The following XRN1 variants were observed in gnomAD, a reference collection of about 807,000 sequenced individuals.
XRN1 encodes the protein 5'-3' exoribonuclease 1.
A neutral mutation model predicts 222.3 loss-of-function variants in XRN1; 67 were observed. That is an observed-to-expected ratio of 0.30 (90% CI 0.25 to 0.37). The LOEUF (loss-of-function observed/expected upper bound fraction) is 0.37, where lower values mean the gene tolerates loss of function less well. Among genes scored for constraint, XRN1 ranks in the 10% least tolerant of loss-of-function variants. The pLI, the probability that XRN1 is intolerant of heterozygous loss-of-function variation, is 1.00. For missense variants in XRN1, 1,707 were observed against 2,000.2 expected (o/e 0.85, Z 2.80); for synonymous variants, 643 against 652.4 (o/e 0.99, Z 0.22).
At chr3:142,435,626 G>A (rs749614053) in intron 1 of XRN1, among the ~76,000 whole-genome samples, 8 of 151,396 alleles carry the variant, frequency 5.3e-5, no homozygotes, top group Non-Finnish European at 8.8e-5. Flanking sequence ...GGGTGGTGGC[G>A]CATGCCTGTA....
intron 20 of XRN1, among the ~76,000 whole-genome samples, chr3:142,395,206 A>C (rs747569129): frequency 2.0e-5 from 3 of 152,236 alleles, no homozygotes; most frequent in Non-Finnish European, 4.4e-5. Flanking sequence ...CTTGGAAGAC[A>C]GAAGAGCTAG....
intron 2 of XRN1, among the ~76,000 whole-genome samples, chr3:142,432,177 TG>T: frequency 7.7e-6 from 1 of 129,044 alleles, no homozygotes; most frequent in South Asian, 2.2e-4. Context: ...ATATATAAAA[TG>T]TTTTATATAT....
At chr3:142,378,426 T>C (rs1044726067) in intron 23 of XRN1, among the ~76,000 whole-genome samples, 1 of 152,196 alleles carries the variant, frequency 6.6e-6, no homozygotes. Flanking sequence ...CCTAGAATTA[T>C]CTTCAGAGAA....
intron 20 of XRN1, among the ~76,000 whole-genome samples, chr3:142,387,159 T>A (rs2067534891): frequency 6.6e-6 from 1 of 152,208 alleles, no homozygotes; most frequent in Non-Finnish European, 1.5e-5. Context: ...TATGATTACA[T>A]GTAACAATAT....
intron 20 of XRN1, among the ~76,000 whole-genome samples, chr3:142,395,350 A>G (rs1178143714): frequency 6.6e-6 from 1 of 152,236 alleles, no homozygotes; most frequent in Non-Finnish European, 1.5e-5. Context: ...AGCCTTGTCT[A>G]CCCAACTTGG....
At chr3:142,319,088 T>C (rs761107765) in intron 37 of XRN1, among the ~76,000 whole-genome samples, 185 bp from the exon 38 acceptor site, 5 of 152,304 alleles carry the variant, frequency 3.3e-5, no homozygotes, top group Middle Eastern at 3.4e-3. Flanking sequence ...GTTTACAAAA[T>C]AAAAAGCTTT....
intron 1 of XRN1, among the ~76,000 whole-genome samples, chr3:142,439,365 C>T (rs984229225): frequency 9.2e-5 from 14 of 152,094 alleles, no homozygotes; most frequent in African/African-American, 3.4e-4. Context: ...AGTGTAGACT[C>T]TCACTGGGAC....
chr3:142,446,401 A>G (rs1178696412), intron 1 of XRN1, among the ~76,000 whole-genome samples: 1 of 152,202 alleles, frequency 6.6e-6, no homozygotes, highest in Non-Finnish European at 1.5e-5. Flanking sequence ...TTCTCCTCCC[A>G]GTTTCTATAT....
At chr3:142,386,705 G>C (rs1432814077) in intron 20 of XRN1, among the ~76,000 whole-genome samples, 1 of 152,082 alleles carries the variant, frequency 6.6e-6, no homozygotes, top group Non-Finnish European at 1.5e-5. Flanking sequence ...TCACAAAAGA[G>C]TATGCATATT....
chr3:142,369,429 C>T (rs1234650558), intron 27 of XRN1, among the ~76,000 whole-genome samples: 1 of 151,542 alleles, frequency 6.6e-6, no homozygotes, highest in East Asian at 1.9e-4. Flanking sequence ...GGTGGATCAC[C>T]TGAGGTCAGA....
intron 25 of XRN1, among the ~76,000 whole-genome samples, chr3:142,374,227 A>G (rs1223102157): frequency 6.6e-6 from 1 of 152,132 alleles, no homozygotes; most frequent in Non-Finnish European, 1.5e-5. Flanking sequence ...AGAAAACTGA[A>G]TTCCTAGGAT....
chr3:142,398,806 T>C (rs2068022981), intron 19 of XRN1, among the ~76,000 whole-genome samples: 1 of 151,978 alleles, frequency 6.6e-6, no homozygotes, highest in South Asian at 2.1e-4. Context: ...AAATCCAGAA[T>C]TCTACAAAAT....
chr3:142,408,146 T>A (rs1490366599), intron 15 of XRN1, among the ~76,000 whole-genome samples: 1 of 152,224 alleles, frequency 6.6e-6, no homozygotes, highest in African/African-American at 2.4e-5. Flanking sequence ...ATGCTTCCTA[T>A]TTTTCTTGAC....
intron 14 of XRN1, 141 bp downstream of exon 14, chr3:142,413,994 C>G: frequency 1.2e-6 from 1 of 841,868 alleles, no homozygotes; most frequent in South Asian, 2.7e-5. Flanking sequence ...TTTCAAGGGA[C>G]TTGTTAAAAA....
chr3:142,323,700 G>A (rs1001965590), intron 37 of XRN1, among the ~76,000 whole-genome samples: 2 of 152,016 alleles, frequency 1.3e-5, no homozygotes, highest in East Asian at 1.9e-4. Context: ...AGAGCAGGAC[G>A]GGCATGGTGG....
intron 8 of XRN1, among the ~76,000 whole-genome samples, chr3:142,422,266 C>T (rs2069065536): frequency 6.6e-6 from 1 of 152,022 alleles, no homozygotes; most frequent in Non-Finnish European, 1.5e-5. Context: ...ATCCAGAAGG[C>T]AAACGTTGCA....
chr3:142,383,347 T>A lies in XRN1; in HGVS notation c.2569A>T (p.Ser857Cys). Residue 857 changes from serine (S) to cysteine (C), a missense_variant, in exon 22 of 41, where the codon AGT becomes TGT. Coordinates refer to ENST00000392981, the MANE Select transcript of XRN1 (RefSeq NM_001282857.2). The stretch of plus-strand genomic sequence containing the variant: ...GGAGTTCCCAGCATAAAGACCATAC[T>A]TCTCAGAGGAAACAAATCATCCAAT... ...KTLDDLFPLR[S>C]MVFMLGTPYY... 7 of 1,614,022 alleles carry A rather than the reference T, an allele frequency of 4.3e-6. No homozygotes were observed. The highest frequency in any genetic ancestry group is 5.9e-6 in the Non-Finnish European group (7 of 1,179,966).
At chr3:142,388,312 TCTTA>T (rs1158620242) in intron 20 of XRN1, among the ~76,000 whole-genome samples, 5 of 152,342 alleles carry the variant, frequency 3.3e-5, no homozygotes, top group East Asian at 1.9e-4. Flanking sequence ...TTTTCTTCTA[TCTTA>T]CTTTATTGTA....
chr3:142,347,752 C>T (rs1008810072), intron 32 of XRN1, among the ~76,000 whole-genome samples: 1 of 151,716 alleles, frequency 6.6e-6, no homozygotes, highest in Non-Finnish European at 1.5e-5. Context: ...TGAGTACCAT[C>T]GTGCCTGGCT....
Sources: gnomAD v4.1 joint callset for allele counts (sites outside exome capture counted in the v4.1 genomes callset) on GRCh38, gnomAD v4.1.1 for gene constraint, MANE v1.5 for transcripts, NCBI Gene and HGNC (gene_info 2026-07-23, HGNC 2026-07-21) for gene names.